The following SUCLG2 variants were observed in gnomAD, a reference collection of about 807,000 sequenced individuals.
SUCLG2 encodes succinate--CoA ligase [GDP-forming] subunit beta, mitochondrial.
A neutral mutation model predicts 47.9 loss-of-function variants in SUCLG2; 42 were observed. The ratio of observed to expected loss-of-function variants is 0.88; its 90% CI spans 0.69 to 1.14. The LOEUF (loss-of-function observed/expected upper bound fraction) is 1.14. Among genes scored for constraint, SUCLG2 ranks in the 50% most tolerant of loss-of-function variants. The pLI is 0.00. For missense variants in SUCLG2, 571 were observed against 525.9 expected (o/e 1.09, Z -0.84); for synonymous variants, 195 against 197.3 (o/e 0.99, Z 0.10).
In SUCLG2 at chr3:67,564,089, G is replaced by T. The variant is rs115536208; in HGVS notation, c.227-34903C>A. On this transcript the variant is annotated intron_variant, in intron 2 of 10. Coordinates refer to ENST00000307227, the MANE Select transcript of SUCLG2 (RefSeq NM_003848.4). The stretch of plus-strand genomic sequence containing the variant: ...AGGGATAAAAAGAGAAAAACATTAA[G>T]AATATTATAATTTTTCCTACTAGAA... Among the ~76,000 whole-genome samples, 1,127 of 152,168 alleles carry T rather than the reference G, an allele frequency of 7.4e-3. 11 individuals are homozygous for T. The highest frequency in any genetic ancestry group is 0.035 in the East Asian group (183 of 5,180).
At chr3:67,576,518 A>C (rs1707747046) in intron 2 of SUCLG2, among the ~76,000 whole-genome samples, 1 of 152,254 alleles carries the variant, frequency 6.6e-6, no homozygotes, top group African/African-American at 2.4e-5. Flanking sequence ...AATAGAAAAT[A>C]GATGAATTGA....
intron 2 of SUCLG2, among the ~76,000 whole-genome samples, chr3:67,558,339 A>C (rs1707215563): frequency 6.6e-6 from 1 of 152,140 alleles, no homozygotes. Context: ...ACCAAAAAAA[A>C]AAAAAAAAAT....
intron 2 of SUCLG2, among the ~76,000 whole-genome samples, chr3:67,591,446 C>T (rs1227985873): frequency 1.3e-5 from 2 of 152,094 alleles, no homozygotes; most frequent in Non-Finnish European, 2.9e-5. Context: ...TTGTATTTCC[C>T]AGAATTTTCA....
chr3:67,393,294 T>A (rs1352572827), intron 10 of SUCLG2, among the ~76,000 whole-genome samples: 1 of 151,526 alleles, frequency 6.6e-6, no homozygotes, highest in Non-Finnish European at 1.5e-5. Context: ...AGATGGCACC[T>A]GGAAAATCGG....
At chr3:67,401,427 C>T (rs1231546229) in intron 9 of SUCLG2, among the ~76,000 whole-genome samples, 3 of 151,984 alleles carry the variant, frequency 2.0e-5, no homozygotes, top group Non-Finnish European at 2.9e-5. Context: ...AAAAGACTCT[C>T]GAAATAAAGA....
intron 9 of SUCLG2, among the ~76,000 whole-genome samples, chr3:67,446,916 T>C (rs1703941681): frequency 6.6e-6 from 1 of 152,236 alleles, no homozygotes; most frequent in Non-Finnish European, 1.5e-5. Flanking sequence ...TCCATTAATG[T>C]AATCCTTAAT....
intron 6 of SUCLG2, among the ~76,000 whole-genome samples, chr3:67,516,910 T>A (rs1056610204): frequency 1.3e-5 from 2 of 152,188 alleles, no homozygotes; most frequent in South Asian, 4.1e-4. Context: ...AGCCCCTTAA[T>A]AAACATCAAA....
chr3:67,556,945 G>T (rs138059402), intron 2 of SUCLG2, among the ~76,000 whole-genome samples: 1 of 152,178 alleles, frequency 6.6e-6, no homozygotes, highest in Non-Finnish European at 1.5e-5. Flanking sequence ...GGGAGTATGA[G>T]ATAACATAAA....
chr3:67,444,071 C>T, intron 9 of SUCLG2, among the ~76,000 whole-genome samples: 1 of 111,974 alleles, frequency 8.9e-6, no homozygotes, highest in Non-Finnish European at 1.9e-5. Context: ...GAGGGGTCAG[C>T]CCCCCGCCTG....
At chr3:67,452,601 T>C (rs1231303173) in intron 9 of SUCLG2, among the ~76,000 whole-genome samples, 2 of 152,212 alleles carry the variant, frequency 1.3e-5, no homozygotes, top group East Asian at 3.8e-4. Context: ...CCTTGTCAAA[T>C]TTACTAAACA....
rs1345676192 is a variant in SUCLG2, at chr3:67,455,864, C to G, written c.1062+39934G>C. On this transcript the variant is annotated intron_variant, in intron 9 of 10. Transcript: ENST00000307227. The stretch of plus-strand genomic sequence containing the variant: ...ACACCACAATATTCCAGGTCTTTAC[C>G]TCCATCACCCTGCCCTAAGGATATG... Among the ~76,000 whole-genome samples, 5 of 152,142 alleles carry G rather than the reference C, an allele frequency of 3.3e-5. No individual in the cohort carries two copies. The East Asian group carries it at 9.6e-4, about 29-fold the overall frequency.
In SUCLG2 at chr3:67,558,517, C is replaced by T. The variant is rs542371063; in HGVS notation, c.227-29331G>A. 9.9e-5 allele frequency among the ~76,000 whole-genome samples: 15 copies of T among 152,268 alleles called. No homozygotes were observed. The South Asian group carries it at 1.5e-3, about 15-fold the overall frequency. On this transcript the variant is annotated intron_variant, in intron 2 of 10. Transcript: ENST00000307227. Reference sequence around the variant, plus strand: ...GTAGTACATTTGATTCCTCACTGTTCTTACCCTGCTGGACTGTCTTAGAGC... The same window carrying T: ...GTAGTACATTTGATTCCTCACTGTTTTTACCCTGCTGGACTGTCTTAGAGC...
chr3:67,615,298 T>C (rs1575818341), intron 1 of SUCLG2, among the ~76,000 whole-genome samples: 2 of 149,182 alleles, frequency 1.3e-5, no homozygotes, highest in South Asian at 4.2e-4. Flanking sequence ...CGCCCCATGG[T>C]TTTAAAATTA....
intron 4 of SUCLG2, 58 bp from the exon 5 acceptor site, chr3:67,520,692 A>C: frequency 6.5e-7 from 1 of 1,547,114 alleles, no homozygotes; most frequent in East Asian, 2.3e-5. Flanking sequence ...TCTACTTGGA[A>C]ATCTATACAA....
intron 9 of SUCLG2, among the ~76,000 whole-genome samples, chr3:67,425,406 G>A (rs950147572): frequency 6.6e-6 from 1 of 152,066 alleles, no homozygotes; most frequent in Non-Finnish European, 1.5e-5. Flanking sequence ...ATTTCTGAGG[G>A]TGTCTGAGAG....
At chr3:67,489,660 A>G (rs1233175221) in intron 9 of SUCLG2, among the ~76,000 whole-genome samples, 1 of 152,218 alleles carries the variant, frequency 6.6e-6, no homozygotes, top group African/African-American at 2.4e-5. Context: ...CAAGAGTTCT[A>G]CTTCCCTACA....
At chr3:67,523,590 G>C (rs555285316) in intron 4 of SUCLG2, among the ~76,000 whole-genome samples, 1 of 152,226 alleles carries the variant, frequency 6.6e-6, no homozygotes, top group African/African-American at 2.4e-5. Flanking sequence ...GTAACAACTT[G>C]TCGTTTATAG....
rs186480003 is a variant in SUCLG2, at chr3:67,431,639, C to A, written c.1063-30788G>T. On this transcript the variant is annotated intron_variant, in intron 9 of 10. Transcript: ENST00000307227. ...CATTCTCAGCAAACTATCACAAGGA[C>A]AGAAAACCAAACACCGCATGTTCTC... Among the ~76,000 whole-genome samples the A allele has an allele frequency of 3.8e-3, 570 of 151,272 alleles. 1 individual carries two copies. The highest frequency in any genetic ancestry group is 5.3e-3 in the Non-Finnish European group (358 of 67,918).
rs142493297 is a variant in SUCLG2, at chr3:67,510,296, A to G, written c.661-1393T>C. ...AATTCATGCTATCTTAATGTATTTT[A>G]TAAACACCTACAAACATTTTTAAAT... On this transcript the variant is annotated intron_variant, in intron 6 of 10. Coordinates refer to ENST00000307227, the MANE Select transcript of SUCLG2 (RefSeq NM_003848.4). Among the ~76,000 whole-genome samples the G allele has an allele frequency of 8.9e-3, 1,355 of 152,356 alleles. 22 individuals are homozygous for G. The highest frequency in any genetic ancestry group is 0.03 in the African/African-American group (1,257 of 41,580).
Sources: gnomAD v4.1 joint callset for allele counts (sites outside exome capture counted in the v4.1 genomes callset) on GRCh38, gnomAD v4.1.1 for gene constraint, MANE v1.5 for transcripts, NCBI Gene and HGNC (gene_info 2026-07-23, HGNC 2026-07-21) for gene names.